Variants in SASH1 observed in about 807,000 individuals in gnomAD.
The protein encoded by SASH1 is SAM and SH3 domain-containing protein 1.
A neutral mutation model predicts 125.2 loss-of-function variants in SASH1; 44 were observed. That is an observed-to-expected ratio of 0.35 (90% CI 0.28 to 0.45). The LOEUF (loss-of-function observed/expected upper bound fraction) is 0.45, where lower values mean the gene tolerates loss of function less well. SASH1 is among the 20% of genes least tolerant of loss of function. SASH1 has a pLI of 1.00. For missense variants in SASH1, 1,426 were observed against 1,614.5 expected, an observed-to-expected ratio of 0.88 and a Z score of 2.00; for synonymous variants, 639 against 649.1, an observed-to-expected ratio of 0.98 and a Z score of 0.24.
intron 1 of SASH1, among the ~76,000 whole-genome samples, chr6:148,355,889 A>G (rs951164304): frequency 6.6e-6 from 1 of 152,128 alleles, no homozygotes; most frequent in Non-Finnish European, 1.5e-5. Flanking sequence ...AAATTTCAAT[A>G]GTTTTTGGGG....
At chr6:148,368,384 C>T (rs1178414610) in intron 1 of SASH1, among the ~76,000 whole-genome samples, 3 of 152,200 alleles carry the variant, frequency 2.0e-5, no homozygotes. Flanking sequence ...GATTCTCCTG[C>T]CTCAGCCCCC....
chr6:148,308,131 C>T (rs1240518007), intron 1 of SASH1, among the ~76,000 whole-genome samples: 2 of 152,110 alleles, frequency 1.3e-5, no homozygotes, highest in Non-Finnish European at 2.9e-5. Context: ...ACCTCCATGT[C>T]CCTCTTTCAC....
intron 1 of SASH1, among the ~76,000 whole-genome samples, chr6:148,302,203 T>A (rs1308003811): frequency 4.7e-5 from 7 of 147,392 alleles, no homozygotes. Context: ...TAGTCCCAGC[T>A]ACTCGGGAGG....
chr6:148,491,527 A>G (rs907024300), intron 8 of SASH1, among the ~76,000 whole-genome samples: 1 of 152,120 alleles, frequency 6.6e-6, no homozygotes, highest in Non-Finnish European at 1.5e-5. Context: ...GCCTCGGCCT[A>G]CCAAAGTACT....
At chr6:148,397,096 G>A (rs1392949038) in intron 2 of SASH1, among the ~76,000 whole-genome samples, 1 of 152,122 alleles carries the variant, frequency 6.6e-6, no homozygotes, top group Non-Finnish European at 1.5e-5. Flanking sequence ...TGAACGTCCT[G>A]TGCCTGTTTC....
intron 1 of SASH1, among the ~76,000 whole-genome samples, chr6:148,376,811 T>C (rs1179785962): frequency 6.6e-6 from 1 of 151,758 alleles, no homozygotes; most frequent in Non-Finnish European, 1.5e-5. Context: ...GAGGTTACAG[T>C]GAACGGTGGT....
intron 1 of SASH1, among the ~76,000 whole-genome samples, chr6:148,364,168 A>G (rs1423976916): frequency 6.6e-6 from 1 of 152,178 alleles, no homozygotes; most frequent in Non-Finnish European, 1.5e-5. Context: ...TCAATGACTC[A>G]TGCCAAAACC....
intron 1 of SASH1, among the ~76,000 whole-genome samples, chr6:148,366,420 A>G (rs1292136326): frequency 6.6e-6 from 1 of 152,214 alleles, no homozygotes; most frequent in Admixed American, 6.5e-5. Flanking sequence ...AGACGAGCAG[A>G]CAACAGAACA....
chr6:148,508,372 A>T, intron 8 of SASH1: 2 of 566,842 alleles, frequency 3.5e-6, no homozygotes, highest in Non-Finnish European at 2.2e-6. Context: ...AGTCACTTTT[A>T]AGGGTTAGTC....
the SASH1 span, among the ~76,000 whole-genome samples, chr6:148,199,402 C>G: frequency 1.3e-5 from 2 of 148,342 alleles, no homozygotes; most frequent in Non-Finnish European, 3.0e-5. Context: ...CTGAGCTTGG[C>G]TATAAGGCCT....
At chr6:148,522,020 A>C (rs1298033021) in intron 10 of SASH1, among the ~76,000 whole-genome samples, 3 of 152,238 alleles carry the variant, frequency 2.0e-5, no homozygotes, top group African/African-American at 7.2e-5. Flanking sequence ...GATTTGTGCT[A>C]GTTAGTGTTG....
intron 4 of SASH1, among the ~76,000 whole-genome samples, chr6:148,460,889 AT>A (rs2115078451): frequency 6.6e-6 from 1 of 152,342 alleles, no homozygotes; most frequent in East Asian, 1.9e-4. Flanking sequence ...TGATAAAATA[AT>A]TTACAAGGAG....
chr6:148,417,861 AAAG>A (rs1341022990), intron 2 of SASH1, among the ~76,000 whole-genome samples: 3 of 152,230 alleles, frequency 2.0e-5, no homozygotes, highest in Admixed American at 6.5e-5. Context: ...GGAATGAAGC[AAAG>A]AAGAAGATGA....
the SASH1 span, among the ~76,000 whole-genome samples, chr6:148,224,088 G>GT: frequency 6.6e-6 from 1 of 152,202 alleles, no homozygotes; most frequent in Non-Finnish European, 1.5e-5. Flanking sequence ...GAGGCCAGGA[G>GT]TTTGAGCCCA....
At chr6:148,257,938 T>C in the SASH1 span, among the ~76,000 whole-genome samples, 1 of 152,228 alleles carries the variant, frequency 6.6e-6, no homozygotes, top group African/African-American at 2.4e-5. Context: ...GTCACTTTAC[T>C]TTTGGATCTG....
intron 4 of SASH1, among the ~76,000 whole-genome samples, chr6:148,462,306 T>C (rs532591752): frequency 2.0e-5 from 3 of 152,026 alleles, no homozygotes; most frequent in East Asian, 1.9e-4. Context: ...CTTTTCTTTT[T>C]TTTTTTTCTT....
chr6:148,530,901 A>G (rs1293682702), intron 12 of SASH1, among the ~76,000 whole-genome samples: 1 of 152,234 alleles, frequency 6.6e-6, no homozygotes, highest in Non-Finnish European at 1.5e-5. Context: ...CTTTTTACTG[A>G]CAACACTTTA....
At chr6:148,249,355 A>G in the SASH1 span, among the ~76,000 whole-genome samples, 98,846 of 144,938 alleles carry the variant, frequency 0.68, 32,342 homozygotes, top group East Asian at 0.76. Context: ...TGCATGCATC[A>G]CACACACATG....
chr6:148,492,870 AAAT>A (rs1331686670), intron 8 of SASH1, among the ~76,000 whole-genome samples: 1 of 145,638 alleles, frequency 6.9e-6, no homozygotes, highest in East Asian at 2.0e-4. Flanking sequence ...ATAAATAAAT[AAAT>A]AAAATCACAC....
Sources: gnomAD v4.1 joint callset for allele counts (sites outside exome capture counted in the v4.1 genomes callset) on GRCh38, gnomAD v4.1.1 for gene constraint, MANE v1.5 for transcripts, NCBI Gene and HGNC (gene_info 2026-07-23, HGNC 2026-07-21) for gene names.